The following LINGO2 variants were observed in gnomAD, a reference collection of about 807,000 sequenced individuals.
LINGO2 encodes leucine rich repeat and Ig domain containing 2.
LINGO2 carries 14 observed loss-of-function variants against 30.6 expected under a neutral mutation model. That is an observed-to-expected ratio of 0.46 (90% CI 0.30 to 0.72). The LOEUF (loss-of-function observed/expected upper bound fraction) is 0.72. Among genes scored for constraint, LINGO2 ranks in the 30% least tolerant of loss-of-function variants. The pLI, the probability that LINGO2 is intolerant of heterozygous loss-of-function variation, is 0.07. For missense variants in LINGO2, 729 were observed against 751.7 expected, an observed-to-expected ratio of 0.97 and a Z score of 0.35; for synonymous variants, 317 against 288.5, an observed-to-expected ratio of 1.10 and a Z score of -1.00.
intron 4 of LINGO2, among the ~76,000 whole-genome samples, chr9:28,075,756 C>T (rs988641895): frequency 6.6e-6 from 1 of 151,796 alleles, no homozygotes; most frequent in African/African-American, 2.4e-5. Context: ...GGTTGCTTGT[C>T]TTTTCTAATT....
chr9:28,822,258 C>T, the LINGO2 span, among the ~76,000 whole-genome samples: 1 of 152,200 alleles, frequency 6.6e-6, no homozygotes, highest in Non-Finnish European at 1.5e-5. Flanking sequence ...AAAAAGCAAA[C>T]TATACCCTCT....
At chr9:28,334,854 G>A (rs764525505) in intron 3 of LINGO2, among the ~76,000 whole-genome samples, 5 of 152,098 alleles carry the variant, frequency 3.3e-5, no homozygotes, top group African/African-American at 7.2e-5. Flanking sequence ...GAGGATTCCC[G>A]GAGGCCTTGG....
chr9:28,424,139 G>A (rs1025337569), intron 2 of LINGO2, among the ~76,000 whole-genome samples: 2 of 152,044 alleles, frequency 1.3e-5, no homozygotes, highest in African/African-American at 4.8e-5. Context: ...CTCTATATAA[G>A]CCATGACAGA....
chr9:27,980,209 A>G (rs957064193), intron 5 of LINGO2, among the ~76,000 whole-genome samples: 15 of 151,976 alleles, frequency 9.9e-5, no homozygotes, highest in African/African-American at 3.6e-4. Context: ...ACACAGTTCA[A>G]GAAAGACACA....
chr9:29,095,773 A>G, the LINGO2 span, among the ~76,000 whole-genome samples: 6 of 138,498 alleles, frequency 4.3e-5, 1 homozygote, highest in Admixed American at 3.0e-4. Context: ...CTCCCCATGC[A>G]GATTCGGTTT....
At chr9:28,859,110 T>C in the LINGO2 span, among the ~76,000 whole-genome samples, 1 of 152,122 alleles carries the variant, frequency 6.6e-6, no homozygotes, top group Non-Finnish European at 1.5e-5. Context: ...TCTCTTTACA[T>C]CTTAGTTGTT....
In LINGO2 at chr9:28,371,797, A is replaced by T. The variant is rs79574547; in HGVS notation, c.-246+1039T>A. 5.6e-3 allele frequency among the ~76,000 whole-genome samples: 847 copies of T among 152,226 alleles called. 27 individuals carry two copies. The East Asian group carries it at 0.099, about 18-fold the overall frequency. ...GCCCTGATGATTTCCTCTTTGCCCC[A>T]ATTATTTGGAAGTAGACATATTGGC... On this transcript the variant is annotated intron_variant, in intron 3 of 5. Coordinates refer to ENST00000379992, the Ensembl canonical transcript of LINGO2.
At chr9:28,375,661 A>G (rs563883219) in intron 2 of LINGO2, among the ~76,000 whole-genome samples, 24 of 152,316 alleles carry the variant, frequency 1.6e-4, no homozygotes, top group African/African-American at 5.5e-4. Context: ...ATCAATGACC[A>G]TTCTTTGATA....
intron 4 of LINGO2, among the ~76,000 whole-genome samples, chr9:28,218,183 A>G (rs1820835030): frequency 6.7e-6 from 1 of 150,174 alleles, no homozygotes; most frequent in African/African-American, 2.4e-5. Flanking sequence ...AGTATCAAAT[A>G]TCAAATGTAT....
chr9:28,058,412 CAA>C (rs1246058082), intron 4 of LINGO2, among the ~76,000 whole-genome samples: 1 of 152,126 alleles, frequency 6.6e-6, no homozygotes, highest in African/African-American at 2.4e-5. Context: ...TAGTTTTACA[CAA>C]GAGAGTGAGT....
intron 4 of LINGO2, among the ~76,000 whole-genome samples, chr9:28,034,833 C>G (rs559271042): frequency 1.2e-3 from 188 of 152,336 alleles, no homozygotes; most frequent in Non-Finnish European, 2.1e-3. Context: ...TGTCTCCTCT[C>G]ACTTGTTTGA....
chr9:28,506,619 T>C (rs1160513437), intron 1 of LINGO2, among the ~76,000 whole-genome samples: 3 of 7,692 alleles, frequency 3.9e-4, no homozygotes, highest in Non-Finnish European at 1.5e-3. Context: ...ATGAATTGTC[T>C]CATAACATAT....
chr9:28,201,195 T>C (rs988095389), intron 4 of LINGO2, among the ~76,000 whole-genome samples: 3 of 149,774 alleles, frequency 2.0e-5, no homozygotes, highest in African/African-American at 7.4e-5. Flanking sequence ...TCATCTAGCA[T>C]TAGGTATATC....
At chr9:28,427,346 A>C (rs961526030) in intron 2 of LINGO2, among the ~76,000 whole-genome samples, 1 of 152,084 alleles carries the variant, frequency 6.6e-6, no homozygotes, top group Non-Finnish European at 1.5e-5. Context: ...CCTGCTTAAG[A>C]GATATGAAGG....
intron 1 of LINGO2, among the ~76,000 whole-genome samples, chr9:28,480,445 T>TG (rs1825917000): frequency 6.6e-6 from 1 of 152,036 alleles, no homozygotes; most frequent in Admixed American, 6.6e-5. Context: ...AAGGAATCCA[T>TG]GGCAGAAGAC....
intron 4 of LINGO2, among the ~76,000 whole-genome samples, chr9:28,195,237 A>T (rs1333226958): frequency 6.6e-6 from 1 of 151,934 alleles, no homozygotes; most frequent in Non-Finnish European, 1.5e-5. Flanking sequence ...AGGAAAAGGC[A>T]TAAAATGTGA....
At chr9:28,088,742 T>G (rs1825986767) in intron 4 of LINGO2, among the ~76,000 whole-genome samples, 1 of 152,234 alleles carries the variant, frequency 6.6e-6, no homozygotes, top group African/African-American at 2.4e-5. Flanking sequence ...ATGGGCTAAA[T>G]GCTCCAATTA....
At chr9:27,984,864 T>A (rs1463707313) in intron 5 of LINGO2, among the ~76,000 whole-genome samples, 1 of 151,882 alleles carries the variant, frequency 6.6e-6, no homozygotes, top group African/African-American at 2.4e-5. Flanking sequence ...AAATTTTGAG[T>A]TTAAATGACT....
intron 2 of LINGO2, among the ~76,000 whole-genome samples, chr9:28,436,535 G>C (rs945281782): frequency 3.3e-5 from 5 of 151,954 alleles, no homozygotes; most frequent in African/African-American, 1.2e-4. Context: ...TCGGCTCACT[G>C]TAAGCTCCGC....
Sources: gnomAD v4.1 joint callset for allele counts (sites outside exome capture counted in the v4.1 genomes callset) on GRCh38, gnomAD v4.1.1 for gene constraint, MANE v1.5 for transcripts, NCBI Gene and HGNC (gene_info 2026-07-23, HGNC 2026-07-21) for gene names.